The following KIAA1217 variants were observed in gnomAD, a reference collection of about 807,000 sequenced individuals.
KIAA1217 encodes sickle tail protein homolog.
In KIAA1217, 88 loss-of-function variants were observed where a neutral mutation model predicts 163.9. The observed-to-expected ratio is 0.54, with a 90% CI of 0.45 to 0.64. The LOEUF is 0.64. Ranked by LOEUF, KIAA1217 falls within the 30% of genes least tolerant of loss-of-function variation. The pLI is 0.00. For synonymous variants in KIAA1217, 903 were observed against 923.1 expected (o/e 0.98, Z 0.39); for missense variants, 2,372 against 2,475.0 (o/e 0.96, Z 0.88).
At chr10:24,373,109 G>T (rs2051920379) in intron 2 of KIAA1217, among the ~76,000 whole-genome samples, 2 of 152,172 alleles carry the variant, frequency 1.3e-5, no homozygotes, top group Admixed American at 6.5e-5. Context: ...TGCTTTCTGT[G>T]CAGCCTGTTT....
chr10:23,814,512 C>A (rs1837226138), intron 1 of KIAA1217, among the ~76,000 whole-genome samples: 1 of 152,188 alleles, frequency 6.6e-6, no homozygotes, highest in African/African-American at 2.4e-5. Flanking sequence ...AACTGGACAG[C>A]AAGCATTGGG....
intron 1 of KIAA1217, among the ~76,000 whole-genome samples, chr10:23,809,372 A>G (rs184526573): frequency 2.6e-5 from 4 of 152,168 alleles, no homozygotes; most frequent in Admixed American, 2.6e-4. Context: ...TACTAAAATT[A>G]AGATTCCATG....
intron 1 of KIAA1217, among the ~76,000 whole-genome samples, chr10:23,944,070 T>A (rs1441434143): frequency 1.3e-5 from 2 of 152,022 alleles, no homozygotes; most frequent in East Asian, 3.8e-4. Context: ...AAAGAAAAAA[T>A]TGACAAATTG....
chr10:23,869,424 G>A (rs1840356480), intron 1 of KIAA1217, among the ~76,000 whole-genome samples: 1 of 152,010 alleles, frequency 6.6e-6, no homozygotes, highest in African/African-American at 2.4e-5. Flanking sequence ...GCTGCTGCTT[G>A]CTAGCTGTGT....
chr10:24,095,614 C>G (rs1470996306), intron 2 of KIAA1217, among the ~76,000 whole-genome samples: 2 of 152,106 alleles, frequency 1.3e-5, no homozygotes, highest in Non-Finnish European at 2.9e-5. Flanking sequence ...TTCTCAGACC[C>G]AGGCCACTCT....
chr10:23,986,544 A>G (rs1845978788), intron 1 of KIAA1217, among the ~76,000 whole-genome samples: 1 of 144,808 alleles, frequency 6.9e-6, no homozygotes, highest in East Asian at 2.0e-4. Flanking sequence ...GTATTGGTTT[A>G]GTTGTATTAT....
At chr10:23,866,510 A>G (rs1030045380) in intron 1 of KIAA1217, among the ~76,000 whole-genome samples, 3 of 152,274 alleles carry the variant, frequency 2.0e-5, no homozygotes, top group Non-Finnish European at 4.4e-5. Context: ...ATGGGAGCCA[A>G]GATGGTCAAG....
At chr10:23,872,832 A>G (rs1408356138) in intron 1 of KIAA1217, among the ~76,000 whole-genome samples, 1 of 152,082 alleles carries the variant, frequency 6.6e-6, no homozygotes, top group African/African-American at 2.4e-5. Flanking sequence ...ATGGAGATAT[A>G]GTTTCAATTT....
chr10:23,927,938 A>G (rs1252997112), intron 1 of KIAA1217, among the ~76,000 whole-genome samples: 3 of 152,352 alleles, frequency 2.0e-5, no homozygotes, highest in Admixed American at 6.5e-5. Context: ...AAGCTTGCCT[A>G]ATTCAATCAC....
At chr10:24,036,587 C>G (rs754264260) in intron 2 of KIAA1217, among the ~76,000 whole-genome samples, 17 of 152,198 alleles carry the variant, frequency 1.1e-4, no homozygotes, top group Admixed American at 4.6e-4. Flanking sequence ...GTGCCAGCAT[C>G]TGCTCCTGGT....
intron 1 of KIAA1217, among the ~76,000 whole-genome samples, chr10:23,799,450 T>G (rs970073842): frequency 6.6e-6 from 1 of 152,214 alleles, no homozygotes. Context: ...GTAATTGCTA[T>G]GCATGTTACA....
chr10:24,410,415 C>A (rs1483193287), intron 3 of KIAA1217, among the ~76,000 whole-genome samples: 1 of 152,332 alleles, frequency 6.6e-6, no homozygotes, highest in South Asian at 2.1e-4. Flanking sequence ...AGGTCACACA[C>A]ATTTTTCTGC....
intron 1 of KIAA1217, among the ~76,000 whole-genome samples, chr10:23,714,843 C>G (rs1284332824): frequency 6.6e-6 from 1 of 152,004 alleles, no homozygotes; most frequent in African/African-American, 2.4e-5. Flanking sequence ...CTTGGGCAGT[C>G]ATAAGACAGG....
At chr10:23,718,667 A>C (rs7093612) in intron 1 of KIAA1217, among the ~76,000 whole-genome samples, 3,071 of 152,216 alleles carry the variant, frequency 0.02, 118 homozygotes, top group African/African-American at 0.07. Context: ...AGATCTGTTT[A>C]GTGAAAAAAC....
chr10:23,764,318 G>A (rs953861864), intron 1 of KIAA1217, among the ~76,000 whole-genome samples: 4 of 152,178 alleles, frequency 2.6e-5, no homozygotes, highest in Non-Finnish European at 5.9e-5. Flanking sequence ...ATGTTGGCGA[G>A]GCTCTGGAGA....
chr10:23,968,014 G>A (rs755765803), intron 1 of KIAA1217, among the ~76,000 whole-genome samples: 2 of 150,006 alleles, frequency 1.3e-5, no homozygotes, highest in Non-Finnish European at 3.0e-5. Context: ...TGTTACATAG[G>A]TATACATGTG....
intron 2 of KIAA1217, among the ~76,000 whole-genome samples, chr10:24,232,273 G>A (rs947932047): frequency 2.0e-5 from 3 of 152,180 alleles, no homozygotes; most frequent in African/African-American, 7.2e-5. Flanking sequence ...CCAGAATGCA[G>A]AAAAACAGCA....
At chr10:24,152,202 A>AT (rs2064651673) in intron 2 of KIAA1217, among the ~76,000 whole-genome samples, 1 of 151,980 alleles carries the variant, frequency 6.6e-6, no homozygotes, top group Non-Finnish European at 1.5e-5. Flanking sequence ...CGAGCATATG[A>AT]TTTTTTCCTG....
At chr10:24,025,667 G>C (rs2131524655) in intron 2 of KIAA1217, among the ~76,000 whole-genome samples, 1 of 151,754 alleles carries the variant, frequency 6.6e-6, no homozygotes, top group South Asian at 2.1e-4. Flanking sequence ...CCATTTATTT[G>C]TGTCTTTCTT....
Sources: gnomAD v4.1 joint callset for allele counts (sites outside exome capture counted in the v4.1 genomes callset) on GRCh38, gnomAD v4.1.1 for gene constraint, MANE v1.5 for transcripts, NCBI Gene and HGNC (gene_info 2026-07-23, HGNC 2026-07-21) for gene names.